Variants in EPHA6 observed in about 807,000 individuals in gnomAD.
EPHA6 encodes the protein EPH receptor A6.
EPHA6 carries 50 observed loss-of-function variants against 112.0 expected under a neutral mutation model. The observed-to-expected ratio is 0.45, with a 90% confidence interval of 0.36 to 0.56. The LOEUF (loss-of-function observed/expected upper bound fraction) is 0.56. EPHA6 is among the 20% of genes least tolerant of loss of function. The pLI is 0.00. For synonymous variants in EPHA6, 529 were observed against 490.7 expected (o/e 1.08, Z -1.03); for missense variants, 1,280 against 1,417.4 (o/e 0.90, Z 1.56).
intron 6 of EPHA6, among the ~76,000 whole-genome samples, chr3:97,408,564 C>T (rs1347705240): frequency 6.6e-6 from 1 of 152,018 alleles, no homozygotes. Flanking sequence ...AAACAATAGA[C>T]ATTTATTTCC....
chr3:97,617,972 A>G (rs906085760), intron 13 of EPHA6, among the ~76,000 whole-genome samples: 1 of 152,190 alleles, frequency 6.6e-6, no homozygotes, highest in Non-Finnish European at 1.5e-5. Flanking sequence ...ATGCAACAGC[A>G]TATACATTTT....
Position 97,431,129 on chromosome 3 carries a change from C to A in EPHA6, c.1732-17439C>A, listed in dbSNP as rs148002735. Among the ~76,000 whole-genome samples the A allele has an allele frequency of 8.3e-3, 1,255 of 152,036 alleles. 14 individuals are homozygous for A. Among genetic ancestry groups the A allele is most frequent in the African/African-American group, 0.027 (1,117 of 41,488 alleles). ...TTTTAAATTTCTTGGTAATTTTTTA[C>A]ACTATGTGAGATTGTTTCTATTTTC... is the stretch of plus-strand genomic sequence containing the variant. On this transcript the variant is annotated intron_variant, in intron 6 of 17. Transcript: ENST00000389672.
rs141374439 is a variant in EPHA6, at chr3:97,611,029, G to A, written c.2574+175G>A. Among the ~76,000 whole-genome samples, 643 of 151,732 alleles carry A rather than the reference G, an allele frequency of 4.2e-3. 3 individuals are homozygous for A. The highest frequency in any genetic ancestry group is 0.013 in the African/African-American group (536 of 41,490). On this transcript the variant is annotated intron_variant, in intron 13 of 17. Transcript: ENST00000389672. Reference sequence around the variant, plus strand: ...TGTGATACATTAGAGTGTTACTAAGGGGGGAGGATGTACACTCAATAACGT... The same window carrying A: ...TGTGATACATTAGAGTGTTACTAAGAGGGGAGGATGTACACTCAATAACGT...
intron 9 of EPHA6, among the ~76,000 whole-genome samples, chr3:97,482,392 G>T (rs1472819975): frequency 6.6e-6 from 1 of 152,100 alleles, no homozygotes. Flanking sequence ...ATATCATATG[G>T]AATATAAAAT....
At chr3:96,980,034 G>C (rs992094411) in intron 2 of EPHA6, among the ~76,000 whole-genome samples, 2 of 152,122 alleles carry the variant, frequency 1.3e-5, no homozygotes, top group African/African-American at 4.8e-5. Context: ...TTCTTTTGCT[G>C]TGCAGAAGCT....
intron 3 of EPHA6, among the ~76,000 whole-genome samples, chr3:97,202,518 G>T (rs889029838): frequency 6.6e-6 from 1 of 151,964 alleles, no homozygotes; most frequent in South Asian, 2.1e-4. Flanking sequence ...ATTTTTATTG[G>T]AGACAGGGTT....
At chr3:97,132,691 ATTACT>A (rs1450715650) in intron 3 of EPHA6, among the ~76,000 whole-genome samples, 1 of 152,070 alleles carries the variant, frequency 6.6e-6, no homozygotes, top group East Asian at 1.9e-4. Flanking sequence ...AATTTATCTA[ATTACT>A]TTACTCAATT....
At chr3:97,357,550 TTATTGGAGAATTGAATC>T (rs2084149543) in intron 5 of EPHA6, among the ~76,000 whole-genome samples, 1 of 152,204 alleles carries the variant, frequency 6.6e-6, no homozygotes, top group Non-Finnish European at 1.5e-5. Context: ...GCCAATCTTT[TTATTGGAGAATTGAATC>T]TATTTACACT....
intron 6 of EPHA6, among the ~76,000 whole-genome samples, chr3:97,433,699 G>A (rs972839755): frequency 6.6e-6 from 1 of 152,168 alleles, no homozygotes; most frequent in Non-Finnish European, 1.5e-5. Flanking sequence ...ATTTGACAAA[G>A]TCAGGTGGAT....
intron 3 of EPHA6, among the ~76,000 whole-genome samples, chr3:96,997,501 A>T (rs1168335855): frequency 6.6e-6 from 1 of 151,944 alleles, no homozygotes; most frequent in Non-Finnish European, 1.5e-5. Flanking sequence ...TAATTTCAAT[A>T]TTGCCGTGTC....
chr3:97,432,426 A>G (rs2089567039), intron 6 of EPHA6, among the ~76,000 whole-genome samples: 9 of 152,134 alleles, frequency 5.9e-5, no homozygotes, highest in Admixed American at 5.9e-4. Flanking sequence ...TCGACTCATT[A>G]CAATATTGTA....
At chr3:97,643,871 C>A (rs2094032661) in intron 14 of EPHA6, among the ~76,000 whole-genome samples, 1 of 150,706 alleles carries the variant, frequency 6.6e-6, no homozygotes, top group African/African-American at 2.4e-5. Flanking sequence ...CAACATTAGA[C>A]AGATCAATGA....
intron 6 of EPHA6, among the ~76,000 whole-genome samples, chr3:97,418,072 G>T (rs1044459848): frequency 1.5e-4 from 23 of 151,858 alleles, no homozygotes; most frequent in Non-Finnish European, 5.9e-5. Context: ...AATAATAAAT[G>T]CAATCAGGAG....
In EPHA6 at chr3:97,471,967, CT is replaced by C. The variant is rs2091243539; in HGVS notation, c.1895-3382del. ...CTCTTCTTGCTTCTGGTGTCTTATT[CT>C]TTGGCTTGTGGGTTGCATAACTCAT... On this transcript the variant is annotated intron_variant, in intron 7 of 17. Transcript: ENST00000389672. Among the ~76,000 whole-genome samples the C allele has an allele frequency of 9.2e-5, 14 of 151,820 alleles. No homozygotes were observed. In the South Asian group the frequency reaches 2.9e-3, roughly 31 times the overall value.
intron 12 of EPHA6, among the ~76,000 whole-genome samples, chr3:97,610,515 A>G (rs2093710776): frequency 6.6e-6 from 1 of 151,646 alleles, no homozygotes; most frequent in South Asian, 2.1e-4. Context: ...CATAATCTAA[A>G]CAAGTGATTG....
intron 2 of EPHA6, among the ~76,000 whole-genome samples, chr3:96,941,368 C>A (rs546655395): frequency 7.9e-5 from 12 of 152,270 alleles, no homozygotes; most frequent in East Asian, 7.7e-4. Context: ...ATCACTGATA[C>A]CCTTTCTTCC....
At chr3:97,339,288 A>G (rs894252022) in intron 5 of EPHA6, among the ~76,000 whole-genome samples, 1 of 152,178 alleles carries the variant, frequency 6.6e-6, no homozygotes, top group Non-Finnish European at 1.5e-5. Flanking sequence ...GTTCCAGCAC[A>G]CTTCATGTCT....
intron 2 of EPHA6, among the ~76,000 whole-genome samples, chr3:96,972,867 A>G (rs574783398): frequency 2.0e-5 from 3 of 152,330 alleles, no homozygotes; most frequent in East Asian, 1.9e-4. Context: ...AAAAGTTTAT[A>G]TTTCTTTGAA....
In EPHA6 at chr3:97,567,508, C is replaced by T. The variant is rs148228328; in HGVS notation, c.2387-25104C>T. On this transcript the variant is annotated intron_variant, in intron 11 of 17. Coordinates refer to ENST00000389672, the MANE Select transcript of EPHA6 (RefSeq NM_001080448.3). Reference sequence around the variant, plus strand: ...CACTGTTATGGATTTAATTGTGTGCCCCCAAAAGTTATGTTGATGTCCTCC... The same window carrying T: ...CACTGTTATGGATTTAATTGTGTGCTCCCAAAAGTTATGTTGATGTCCTCC... 1.9e-3 allele frequency among the ~76,000 whole-genome samples: 286 copies of T among 152,188 alleles called. 2 individuals carry two copies. The highest frequency in any genetic ancestry group is 3.3e-3 in the Non-Finnish European group (224 of 68,014).
Sources: gnomAD v4.1 joint callset for allele counts (sites outside exome capture counted in the v4.1 genomes callset) on GRCh38, gnomAD v4.1.1 for gene constraint, MANE v1.5 for transcripts, NCBI Gene and HGNC (gene_info 2026-07-23, HGNC 2026-07-21) for gene names.